Variants in MAP3K11 observed in about 807,000 individuals in gnomAD.
The protein encoded by MAP3K11 is mitogen-activated protein kinase kinase kinase 11.
MAP3K11 carries 46 observed loss-of-function variants against 84.9 expected under a neutral mutation model. That is an observed-to-expected ratio of 0.54 (90% confidence interval 0.43 to 0.69). MAP3K11 has a LOEUF of 0.69. Among genes scored for constraint, MAP3K11 ranks in the 30% least tolerant of loss-of-function variants. The probability of loss-of-function intolerance (pLI) is 0.00; values close to 1 mark genes in which losing one functional copy is unlikely to be tolerated. For synonymous variants in MAP3K11, 527 were observed against 514.7 expected (o/e 1.02, Z -0.32); for missense variants, 1,053 against 1,198.3 (o/e 0.88, Z 1.79).
Position 65,613,894 on chromosome 11 carries a change from T to G in MAP3K11, c.-138A>C. The stretch of plus-strand genomic sequence containing the variant: ...CCTCAGCCCCAGACCCACGCCTCTC[T>G]GGGGAGCCAGGAGTGTTGTCTCCCG... On this transcript the variant is annotated 5_prime_UTR_variant, in exon 1 of 10. Transcript: ENST00000309100. 3.1e-6 allele frequency: 3 copies of G among 981,946 alleles called. No homozygotes were observed. The highest frequency in any genetic ancestry group is 2.9e-6 in the Non-Finnish European group (2 of 691,982). The allele number at this position is 981,946 out of a possible 1,614,324, so 60.8% of individuals were successfully genotyped here.
At position 65,613,061 on chromosome 11, in the gene MAP3K11, C is replaced by T. The variant is rs755240746; in HGVS notation, c.696G>A (p.Glu232=). ...IARGMHYLHC[E]ALVPVIHRDL... Reference sequence around the variant, plus strand: ...CACGGTGGATGACGGGCACCAGGGCCTCGCAGTGCAGGTAGTGCATCCCAC... The same window carrying T: ...CACGGTGGATGACGGGCACCAGGGCTTCGCAGTGCAGGTAGTGCATCCCAC... The change falls in exon 1 of 10, where the codon GAG becomes GAA. Residue 232 remains glutamate, a synonymous_variant. Transcript: ENST00000309100. 1 of 1,523,510 alleles carries T rather than the reference C, an allele frequency of 6.6e-7. No individual in the cohort carries two copies. Among genetic ancestry groups the T allele is most frequent in the Non-Finnish European group, 8.8e-7 (1 of 1,136,298 alleles). 94.4% of individuals were successfully genotyped at this position (1,523,510 alleles called of 1,614,324 possible).
chr11:65,603,186 C>T (rs1389087944), intron 8 of MAP3K11, among the ~76,000 whole-genome samples: 1 of 152,216 alleles, frequency 6.6e-6, no homozygotes, highest in Non-Finnish European at 1.5e-5. Flanking sequence ...GAAGTTCCTG[C>T]AGTCAATGGC....
At position 65,599,545 on chromosome 11, in the gene MAP3K11, G is replaced by C. The variant is rs1854428769; in HGVS notation, c.2055C>G (p.Pro685=). 2 of 1,490,558 alleles carry C rather than the reference G, an allele frequency of 1.3e-6. No individual in the cohort carries two copies. The highest frequency in any genetic ancestry group is 1.8e-6 in the Non-Finnish European group (2 of 1,127,688). 92.3% of individuals were successfully genotyped at this position (1,490,558 alleles called of 1,614,324 possible). The change falls in exon 9 of 10, where the codon CCC becomes CCG. Residue 685 remains proline, a synonymous_variant. Coordinates refer to ENST00000309100, the MANE Select transcript of MAP3K11 (RefSeq NM_002419.4). The stretch of plus-strand genomic sequence containing the variant: ...GGGAAGGGGGCGGCTCGGTCGGGCA[G>C]GGCGCGGGCGTTGGCGTGGGGGGTG... ...PTTPPTPTPA[P]CPTEPPPSPL...
chr11:65,607,140 C>T (rs1382869495), intron 5 of MAP3K11, 130 bp downstream of exon 5: 2 of 1,260,342 alleles, frequency 1.6e-6, no homozygotes, highest in Admixed American at 3.8e-5. Context: ...GGCTCCACCC[C>T]TCCCAGCCTT....
chr11:65,613,662 G>T lies in MAP3K11; in HGVS notation c.95C>A (p.Pro32His). ...GGGGGGGGGR[P>H]EGSPKAAGYA... ...ACCCGCTGCCTTTGGAGACCCCTCA[G>T]GCCGGCCTCCTCCACCGCCCCCACC... Residue 32 changes from proline (P) to histidine (H), a missense_variant, in exon 1 of 10, where the codon CCT (proline) becomes CAT (histidine). By Grantham distance (77) the Pro-to-His change is moderately conservative. Around this residue, in one of 3 missense-constraint regions of MAP3K11, gnomAD observed 160 missense variants for 167.3 expected, o/e 0.96. Transcript: ENST00000309100. 6.2e-7 allele frequency: 1 copy of T among 1,612,604 alleles called. No homozygotes were observed. Among genetic ancestry groups the T allele is most frequent in the Non-Finnish European group, 8.5e-7 (1 of 1,179,944 alleles).
At position 65,603,219 on chromosome 11, in the gene MAP3K11, G is replaced by A. The variant is rs920933642; in HGVS notation, c.1831+2542C>T. 2.6e-5 allele frequency among the ~76,000 whole-genome samples: 4 copies of A among 152,242 alleles called. No individual in the cohort carries two copies. The East Asian group carries it at 7.7e-4, about 29-fold the overall frequency. ...GGCCTGAGAAACTGAGGTTCTGAAG[G>A]GTAAGGGACTTGGTCAACATAATCC... On this transcript the variant is annotated intron_variant, in intron 8 of 9. Coordinates refer to ENST00000309100, the MANE Select transcript of MAP3K11 (RefSeq NM_002419.4).
Position 65,606,094 on chromosome 11 carries a change from C to T in MAP3K11, c.1604-13G>A. On this transcript the variant is annotated splice_polypyrimidine_tract_variant and intron_variant, in intron 6 of 9. Transcript: ENST00000309100. ...TCTGCAGGCTCCACTGCAGGGGAAACCGATGAAATCGGAGATAATCTTTAT... is the reference window on the plus strand; with the variant it reads ...TCTGCAGGCTCCACTGCAGGGGAAATCGATGAAATCGGAGATAATCTTTAT... 1 of 1,560,326 alleles carries T rather than the reference C, an allele frequency of 6.4e-7. No homozygotes were observed.
intron 6 of MAP3K11, chr11:65,606,292 T>C (rs1386741551): frequency 1.9e-6 from 1 of 516,552 alleles, no homozygotes; most frequent in African/African-American, 2.0e-5. Context: ...GTTTGCTGCT[T>C]AGTAATTAGT....
At chr11:65,611,614 T>A (rs1249332835) in intron 1 of MAP3K11, 2 of 152,238 alleles carry the variant, frequency 1.3e-5, no homozygotes, top group African/African-American at 2.4e-5. Flanking sequence ...TTTCCTCCCC[T>A]GCAGGCAGCT....
rs1301639737 is a variant in MAP3K11, at chr11:65,607,637, G to A, written c.1245+4C>T. On this transcript the variant is annotated splice_donor_region_variant and intron_variant, in intron 4 of 9. Transcript: ENST00000309100. ...CCAACGCTGGGTCCCTTGATTCCTC[G>A]CACCTTTTCCTTGGCTCGCAGCTCG... The A allele has an allele frequency of 6.2e-7, 1 of 1,600,812 alleles. No individual in the cohort carries two copies. Among genetic ancestry groups the A allele is most frequent in the Non-Finnish European group, 8.5e-7 (1 of 1,170,956 alleles).
At chr11:65,604,781 G>C (rs1233809660) in intron 8 of MAP3K11, among the ~76,000 whole-genome samples, 1 of 152,212 alleles carries the variant, frequency 6.6e-6, no homozygotes, top group Non-Finnish European at 1.5e-5. Context: ...ACTCTTCTGA[G>C]AGCAGCTAAG....
In MAP3K11 at chr11:65,613,123, G is replaced by T; in HGVS notation, c.634C>A (p.Pro212Thr). The T allele has an allele frequency of 6.3e-7, 1 of 1,587,416 alleles. No homozygotes were observed. Among genetic ancestry groups the T allele is most frequent in the South Asian group, 1.2e-5 (1 of 86,058 alleles). Residue 212 changes from proline (P) to threonine (T), a missense_variant, in exon 1 of 10, where the codon CCC becomes ACC. Physicochemically the swap from Pro to Thr is conservative, Grantham distance 38. Coordinates refer to ENST00000309100, the MANE Select transcript of MAP3K11 (RefSeq NM_002419.4). ...SRALAGRRVP[P>T]HVLVNWAVQI... is the part of the protein sequence containing the mutation. ...ACAGCCCAGTTGACCAGCACATGGG[G>T]AGGCACGCGCCGCCCGGCCAGAGCT...
Position 65,606,015 on chromosome 11 carries a change from T to C in MAP3K11, c.1670A>G (p.Asn557Ser), listed in dbSNP as rs1260593037. 4 of 1,601,832 alleles carry C rather than the reference T, an allele frequency of 2.5e-6. No individual in the cohort carries two copies. The highest frequency in any genetic ancestry group is 3.4e-6 in the Non-Finnish European group (4 of 1,174,800). ...AGCCCAGCATGCTCGCCGCTCTCCA[T>C]TGCTTGAGTCCTCCAGACGTCGGGG... is the stretch of plus-strand genomic sequence containing the variant. ...QSPRRLEDSS[N>S]GERRACWAWG... Residue 557 changes from asparagine (N) to serine (S), a missense_variant, in exon 7 of 10, where the codon AAT becomes AGT. This residue lies in a region of MAP3K11 where 583 missense variants were observed against 566.6 expected (regional missense o/e 1.03). Coordinates refer to ENST00000309100, the MANE Select transcript of MAP3K11 (RefSeq NM_002419.4).
intron 8 of MAP3K11, among the ~76,000 whole-genome samples, chr11:65,604,134 C>T (rs1041056844): frequency 2.1e-4 from 32 of 152,256 alleles, no homozygotes; most frequent in African/African-American, 7.7e-4. Flanking sequence ...TGTCACTGAT[C>T]TGAACTATTC....
chr11:65,607,770 G>C lies in MAP3K11; in HGVS notation c.1116C>G (p.Ile372Met). ...CCTCCAGCGCCTCCAACTGCTGCAG[G>C]ATGGAGGCGAAGTCGGGCCTGCGGT... ...DPHRRPDFAS[I>M]LQQLEALEAQ... The change falls in exon 4 of 10, where the codon ATC (isoleucine) becomes ATG (methionine). Residue 372 changes from isoleucine to methionine, a missense_variant. By Grantham distance (10) the Ile-to-Met change is conservative. Transcript: ENST00000309100. 1 of 1,613,436 alleles carries C rather than the reference G, an allele frequency of 6.2e-7. No homozygotes were observed. Among genetic ancestry groups the C allele is most frequent in the Non-Finnish European group, 8.5e-7 (1 of 1,179,800 alleles).
chr11:65,605,649 T>G (rs1285750874), intron 8 of MAP3K11, 112 bp downstream of exon 8: 17 of 733,798 alleles, frequency 2.3e-5, no homozygotes, highest in Non-Finnish European at 3.3e-5. Flanking sequence ...GTCTCTAGAA[T>G]GAGAGCAACC....
rs550904972 is a variant in MAP3K11, at chr11:65,608,300, G to A, written c.888C>T (p.Ala296=). The A allele has an allele frequency of 1.9e-6, 3 of 1,614,182 alleles. No homozygotes were observed. Among genetic ancestry groups the A allele is most frequent in the African/African-American group, 1.3e-5 (1 of 75,058 alleles). Residue 296 remains alanine, a synonymous_variant, in exon 2 of 10, where the codon GCC becomes GCT. Transcript: ENST00000309100. The part of the protein sequence containing the change: ...YAWMAPEVIK[A]STFSKGSDVW... ...CGTCACTGCCCTTAGAGAAGGTGGA[G>A]GCCTTGATAACCTCAGGAGCCATCC...
At chr11:65,605,032 C>G (rs1401583202) in intron 8 of MAP3K11, among the ~76,000 whole-genome samples, 1 of 152,190 alleles carries the variant, frequency 6.6e-6, no homozygotes, top group East Asian at 1.9e-4. Flanking sequence ...AGCTTCTGAG[C>G]TCACTACGAG....
At chr11:65,603,622 T>G (rs1854478367) in intron 8 of MAP3K11, among the ~76,000 whole-genome samples, 1 of 152,170 alleles carries the variant, frequency 6.6e-6, no homozygotes, top group South Asian at 2.1e-4. Context: ...GATTCTTAGC[T>G]GGGTTTCGGG....
Sources: gnomAD v4.1 joint callset for allele counts (sites outside exome capture counted in the v4.1 genomes callset) on GRCh38, gnomAD v4.1.1 for gene constraint, gnomAD v4.1.1 regional missense constraint, MANE v1.5 for transcripts, NCBI Gene and HGNC (gene_info 2026-07-23, HGNC 2026-07-21) for gene names.